TRPS1: variants seen among roughly 807,000 people sequenced by gnomAD.
TRPS1 encodes the protein transcriptional repressor GATA binding 1.
In TRPS1, 6 loss-of-function variants were observed where a neutral mutation model predicts 101.2. The ratio of observed to expected loss-of-function variants is 0.06; its 90% CI spans 0.03 to 0.12. TRPS1 has a LOEUF of 0.12. Ranked by LOEUF, TRPS1 falls within the 10% of genes least tolerant of loss-of-function variation. The probability of loss-of-function intolerance (pLI) is 1.00; values close to 1 mark genes in which losing one functional copy is unlikely to be tolerated. For missense variants in TRPS1, 1,363 were observed against 1,567.0 expected, an observed-to-expected ratio of 0.87 and a Z score of 2.20; for synonymous variants, 578 against 589.8, an observed-to-expected ratio of 0.98 and a Z score of 0.29.
At chr8:115,573,215 A>C in intron 5 of TRPS1, among the ~76,000 whole-genome samples, 1 of 152,144 alleles carries the variant, frequency 6.6e-6, no homozygotes, top group African/African-American at 2.4e-5. Flanking sequence ...CCAGCCATTC[A>C]CTAGCTGGGT....
intron 2 of TRPS1, 120 bp from the exon 3 acceptor site, chr8:115,620,180 A>T: frequency 1.1e-6 from 1 of 881,886 alleles, no homozygotes; most frequent in Non-Finnish European, 1.6e-6. Flanking sequence ...TGCTTCCTCT[A>T]GGAAAAAAAA....
At chr8:115,531,362 C>A (rs1816127793) in intron 5 of TRPS1, among the ~76,000 whole-genome samples, 2 of 152,122 alleles carry the variant, frequency 1.3e-5, no homozygotes, top group African/African-American at 2.4e-5. Context: ...ACTAGACAGA[C>A]TAGCAAATTC....
chr8:115,445,565 G>A (rs1813711469), intron 5 of TRPS1, among the ~76,000 whole-genome samples: 1 of 152,152 alleles, frequency 6.6e-6, no homozygotes, highest in Non-Finnish European at 1.5e-5. Flanking sequence ...GTTTGTTACT[G>A]TATGAGATCG....
chr8:115,557,669 A>G (rs376827015), intron 5 of TRPS1, among the ~76,000 whole-genome samples: 19 of 152,280 alleles, frequency 1.2e-4, no homozygotes, highest in African/African-American at 4.3e-4. Context: ...TCCCAGCCAT[A>G]AAGAACTGTG....
intron 5 of TRPS1, among the ~76,000 whole-genome samples, chr8:115,460,361 A>G (rs1483994061): frequency 6.6e-6 from 1 of 152,066 alleles, no homozygotes; most frequent in African/African-American, 2.4e-5. Context: ...TTTAAAGTTT[A>G]ATGAAAAGCC....
At chr8:115,613,809 AT>A (rs1000250974) in intron 3 of TRPS1, among the ~76,000 whole-genome samples, 5 of 152,252 alleles carry the variant, frequency 3.3e-5, no homozygotes, top group African/African-American at 1.2e-4. Flanking sequence ...TTGGAAAAAA[AT>A]AAGGGATCTG....
At chr8:115,560,959 T>G (rs571990725) in intron 5 of TRPS1, among the ~76,000 whole-genome samples, 1 of 152,260 alleles carries the variant, frequency 6.6e-6, no homozygotes, top group African/African-American at 2.4e-5. Context: ...TTCTCCTACC[T>G]CATTACCTCT....
intron 1 of TRPS1, among the ~76,000 whole-genome samples, chr8:115,638,458 T>G (rs1818820168): frequency 6.6e-6 from 1 of 152,156 alleles, no homozygotes; most frequent in Non-Finnish European, 1.5e-5. Context: ...AAGGTACCTT[T>G]GGGCAGAAGC....
intron 5 of TRPS1, among the ~76,000 whole-genome samples, chr8:115,526,312 A>T (rs972615410): frequency 1.3e-5 from 2 of 152,164 alleles, no homozygotes; most frequent in Non-Finnish European, 2.9e-5. Flanking sequence ...TGTCTCAAAA[A>T]AAAGAAAGGA....
chr8:115,612,784 G>A (rs1043724320), intron 3 of TRPS1, among the ~76,000 whole-genome samples: 1 of 152,156 alleles, frequency 6.6e-6, no homozygotes, highest in Non-Finnish European at 1.5e-5. Context: ...TGTCCCACCC[G>A]TCTATTGCTT....
chr8:115,602,629 G>A (rs1366425917), intron 4 of TRPS1, among the ~76,000 whole-genome samples: 1 of 152,146 alleles, frequency 6.6e-6, no homozygotes, highest in African/African-American at 2.4e-5. Flanking sequence ...TTCATTACTG[G>A]TGACTGAAAA....
chr8:115,614,193 T>A (rs1818230510), intron 3 of TRPS1, among the ~76,000 whole-genome samples: 1 of 152,184 alleles, frequency 6.6e-6, no homozygotes, highest in Non-Finnish European at 1.5e-5. Context: ...TGACTTGAGA[T>A]GGTTAGCAGA....
intron 5 of TRPS1, among the ~76,000 whole-genome samples, chr8:115,498,411 C>CTATA (rs1563554161): frequency 2.8e-4 from 20 of 72,658 alleles, no homozygotes; most frequent in Non-Finnish European, 3.7e-4. Context: ...CTCTCTCTCT[C>CTATA]TCTCTATATA....
At chr8:115,624,838 A>G (rs2721941) in intron 1 of TRPS1, among the ~76,000 whole-genome samples, 151,854 of 151,854 alleles carry the variant, frequency 1, 75,927 homozygotes, top group Non-Finnish European at 1. Flanking sequence ...TTCTCCTGTA[A>G]AAGACTGACT....
chr8:115,542,589 G>C (rs560162177), intron 5 of TRPS1, among the ~76,000 whole-genome samples: 3 of 152,176 alleles, frequency 2.0e-5, no homozygotes, highest in Non-Finnish European at 4.4e-5. Flanking sequence ...GTCTAATTTA[G>C]GGCTGTGGAA....
intron 5 of TRPS1, among the ~76,000 whole-genome samples, chr8:115,517,882 G>A (rs191721486): frequency 9.0e-4 from 136 of 151,816 alleles, no homozygotes; most frequent in Admixed American, 4.5e-3. Context: ...GGTTGACTGG[G>A]TTTGTTTGAT....
chr8:115,609,262 T>C (rs1207800924), intron 3 of TRPS1, among the ~76,000 whole-genome samples: 1 of 152,192 alleles, frequency 6.6e-6, no homozygotes, highest in Non-Finnish European at 1.5e-5. Context: ...AGTAAATTTT[T>C]CCTGCAAATG....
At chr8:115,472,056 T>C (rs1040619238) in intron 5 of TRPS1, among the ~76,000 whole-genome samples, 1 of 152,320 alleles carries the variant, frequency 6.6e-6, no homozygotes, top group Middle Eastern at 3.4e-3. Flanking sequence ...TAGAGGACGA[T>C]GGCCTTTTTC....
chr8:115,441,841 C>A (rs1041045338), intron 5 of TRPS1, among the ~76,000 whole-genome samples: 1 of 149,428 alleles, frequency 6.7e-6, no homozygotes, highest in Non-Finnish European at 1.5e-5. Context: ...CTTTATTCTA[C>A]CATGATAGGT....
Sources: allele counts gnomAD v4.1 joint callset (sites outside exome capture counted in the v4.1 genomes callset), GRCh38; gene constraint gnomAD v4.1.1; transcripts MANE v1.5; gene names NCBI Gene and HGNC (gene_info 2026-07-23, HGNC 2026-07-21).